TRIM2: variants seen among roughly 807,000 people sequenced by gnomAD.
TRIM2 encodes the protein tripartite motif-containing protein 2.
In TRIM2, 20 loss-of-function variants were observed where a neutral mutation model predicts 75.2. The observed-to-expected ratio is 0.27, with a 90% CI of 0.19 to 0.39. The LOEUF is 0.39. Among genes scored for constraint, TRIM2 ranks in the 10% least tolerant of loss-of-function variants. TRIM2 has a pLI of 1.00. For missense variants in TRIM2, 660 were observed against 990.8 expected, an observed-to-expected ratio of 0.67 and a Z score of 4.48; for synonymous variants, 373 against 388.3, an observed-to-expected ratio of 0.96 and a Z score of 0.46.
At position 153,334,998 on chromosome 4, in the gene TRIM2, C is replaced by G; in HGVS notation, c.*32C>G. On this transcript the variant is annotated 3_prime_UTR_variant, in exon 12 of 12. Transcript: ENST00000338700. ...GCAGGTGGATACCCGCTTCCATGGT[C>G]TTGCACTATAAACTGGAATGGATTT... is the stretch of plus-strand genomic sequence containing the variant. 5 of 1,569,952 alleles carry G rather than the reference C, an allele frequency of 3.2e-6. No homozygotes were observed. The highest frequency in any genetic ancestry group is 4.3e-6 in the Non-Finnish European group (5 of 1,152,314).
chr4:153,295,906 C>A lies in TRIM2; in HGVS notation c.1380C>A (p.Gly460=). 3 of 1,610,974 alleles carry A rather than the reference C, an allele frequency of 1.9e-6. No homozygotes were observed. The highest frequency in any genetic ancestry group is 1.7e-6 in the Non-Finnish European group (2 of 1,178,656). ...RSADVSPTTE[G]VKRRVKSPGS... ...CTGATGTGTCTCCCACCACAGAAGG[C>A]GTGAAGAGGCGCGTTAAGTCCCCGG... Residue 460 remains glycine (G), a synonymous_variant, in exon 6 of 12, where the codon GGC becomes GGA. Coordinates refer to ENST00000338700, the MANE Select transcript of TRIM2 (RefSeq NM_015271.5). The surrounding 1 kb of genome is among the most constrained non-coding windows in gnomAD (Gnocchi z 7.2).
intron 3 of TRIM2, among the ~76,000 whole-genome samples, chr4:153,280,975 C>T (rs930865188): frequency 3.9e-5 from 6 of 152,162 alleles, no homozygotes; most frequent in South Asian, 2.1e-4. Context: ...TGAGCCACCG[C>T]GCCCAGCCTG....
Position 153,244,355 on chromosome 4 carries a change from C to CTCTTCT in TRIM2, c.31-25903_31-25898dup, listed in dbSNP as rs1209366783. Among the ~76,000 whole-genome samples, 101 of 12,672 alleles carry CTCTTCT rather than the reference C, an allele frequency of 8.0e-3. 7 individuals are homozygous for CTCTTCT. Among genetic ancestry groups the CTCTTCT allele is most frequent in the Middle Eastern group, 0.071 (2 of 28 alleles). 8.3% of individuals were successfully genotyped at this position (12,672 alleles called of 152,430 possible). The stretch of plus-strand genomic sequence containing the variant: ...CTTCTTCTTCTTCTTCTTCTTCTTC[C>CTCTTCT]TCTTCTTCTTCTTCTTCTTCTTCTT... On this transcript the variant is annotated intron_variant, in intron 1 of 11. Transcript: ENST00000338700.
At chr4:153,214,160 A>C (rs564022509) in intron 1 of TRIM2, among the ~76,000 whole-genome samples, 1 of 152,328 alleles carries the variant, frequency 6.6e-6, no homozygotes, top group African/African-American at 2.4e-5. Context: ...AAGGTTTTTG[A>C]TACATCTTAC....
At chr4:153,199,152 A>G (rs1734064843) in intron 1 of TRIM2, among the ~76,000 whole-genome samples, 2 of 152,230 alleles carry the variant, frequency 1.3e-5, no homozygotes, top group Non-Finnish European at 2.9e-5. Context: ...TTTGTCAGAC[A>G]GTTTCAGCTC....
intron 1 of TRIM2, among the ~76,000 whole-genome samples, chr4:153,237,688 A>C (rs1237603307): frequency 6.6e-6 from 1 of 152,202 alleles, no homozygotes; most frequent in Non-Finnish European, 1.5e-5. Context: ...TCAAAAAAAA[A>C]AGAGTCAAAA....
intron 1 of TRIM2, among the ~76,000 whole-genome samples, chr4:153,205,151 A>T (rs1395792480): frequency 6.6e-6 from 1 of 152,166 alleles, no homozygotes; most frequent in Admixed American, 6.5e-5. Context: ...TGGAATGAAG[A>T]AATAGCCCCA....
At chr4:153,210,736 C>G (rs1409114487) in intron 1 of TRIM2, among the ~76,000 whole-genome samples, 3 of 152,180 alleles carry the variant, frequency 2.0e-5, no homozygotes, top group African/African-American at 7.2e-5. Context: ...GAGGCTAGCT[C>G]TTGTGTTTCC....
intron 1 of TRIM2, among the ~76,000 whole-genome samples, chr4:153,233,259 CTT>C (rs939855974): frequency 1.4e-4 from 22 of 152,038 alleles, no homozygotes; most frequent in Non-Finnish European, 3.1e-4. Flanking sequence ...TGGGAGAAGA[CTT>C]TGGTTTAGCT....
At chr4:153,331,419 A>G (rs779867511) in intron 11 of TRIM2, among the ~76,000 whole-genome samples, 3 of 152,198 alleles carry the variant, frequency 2.0e-5, no homozygotes, top group Non-Finnish European at 4.4e-5. Flanking sequence ...TCACTGAAAA[A>G]ATATATACTT....
intron 10 of TRIM2, among the ~76,000 whole-genome samples, chr4:153,326,545 T>C (rs181989673): frequency 1.4e-3 from 212 of 152,380 alleles, no homozygotes; most frequent in Non-Finnish European, 2.6e-3. Flanking sequence ...AGGGGTCTAG[T>C]TAGCTTCTTA....
chr4:153,293,222 A>G (rs892305164), intron 4 of TRIM2, 89 bp downstream of exon 4: 42 of 1,332,100 alleles, frequency 3.2e-5, no homozygotes, highest in Admixed American at 2.3e-5. Context: ...GAGTAGGTTC[A>G]TATTTCCCTT....
Position 153,295,381 on chromosome 4 carries a change from A to G in TRIM2, c.855A>G (p.Thr285=). 6.2e-7 allele frequency: 1 copy of G among 1,613,960 alleles called. No homozygotes were observed. The highest frequency in any genetic ancestry group is 8.5e-7 in the Non-Finnish European group (1 of 1,179,906). Residue 285 remains threonine (T), a synonymous_variant, in exon 6 of 12, where the codon ACA becomes ACG. Transcript: ENST00000338700. The surrounding 1 kb of genome is among the most constrained non-coding windows in gnomAD (Gnocchi z 7.2). ...QESIKSCSNF[T]AQALNHGTET... ...GCATTAAGAGCTGCAGCAACTTCACAGCGCAGGCCCTCAACCATGGCACGG... is the reference window on the plus strand; with the variant it reads ...GCATTAAGAGCTGCAGCAACTTCACGGCGCAGGCCCTCAACCATGGCACGG...
intron 1 of TRIM2, chr4:153,257,591 G>A: frequency 7.8e-7 from 1 of 1,289,700 alleles, no homozygotes; most frequent in Non-Finnish European, 1.0e-6. Context: ...GGCTTCTGAT[G>A]ATGGCTGCAC....
chr4:153,299,662 A>C (rs1231783694), intron 6 of TRIM2, among the ~76,000 whole-genome samples: 5 of 152,186 alleles, frequency 3.3e-5, no homozygotes, highest in African/African-American at 1.2e-4. Context: ...CATCAGTTTT[A>C]ATCGGTAGTT....
chr4:153,242,144 C>T (rs1746792045), intron 1 of TRIM2, among the ~76,000 whole-genome samples: 1 of 152,144 alleles, frequency 6.6e-6, no homozygotes, highest in Admixed American at 6.5e-5. Context: ...CCCTGCTCAC[C>T]AATTTGACCG....
chr4:153,193,010 T>C (rs1424141302), intron 1 of TRIM2, among the ~76,000 whole-genome samples: 3 of 152,196 alleles, frequency 2.0e-5, no homozygotes, highest in African/African-American at 7.2e-5. Context: ...TAGTTGTCTA[T>C]CTGTAATTGT....
chr4:153,318,152 T>A (rs1171685888), intron 8 of TRIM2, among the ~76,000 whole-genome samples: 1 of 152,216 alleles, frequency 6.6e-6, no homozygotes, highest in Admixed American at 6.5e-5. Flanking sequence ...CTGGTGGTCA[T>A]CACTTTGTCT....
rs1042262487 is a variant in TRIM2 at position 153,328,419 on chromosome 4, A to G, written c.2023-111A>G. On this transcript the variant is annotated intron_variant, in intron 10 of 11. Transcript: ENST00000338700. ...CATTTTCTTTTTTTAGAATGTCTTA[A>G]ATGATAAGTCTTGTTATAAATAACC... 7 of 998,400 alleles carry G rather than the reference A, an allele frequency of 7.0e-6. No homozygotes were observed. The African/African-American group carries it at 1.0e-4, about 14-fold the overall frequency. The allele number at this position is 998,400 out of a possible 1,614,324, so 61.8% of individuals were successfully genotyped here.
Sources: allele counts gnomAD v4.1 joint callset (sites outside exome capture counted in the v4.1 genomes callset), GRCh38; gene constraint gnomAD v4.1.1; non-coding constraint Gnocchi (gnomAD v3.1); transcripts MANE v1.5; gene names NCBI Gene and HGNC (gene_info 2026-07-23, HGNC 2026-07-21).